Variants in DSE observed in about 807,000 individuals in gnomAD.
DSE encodes the protein dermatan sulfate epimerase, also known as dermatan-sulfate epimerase.
A neutral mutation model predicts 84.4 loss-of-function variants in DSE; 36 were observed. That is an observed-to-expected ratio of 0.43 (90% CI 0.33 to 0.56). The LOEUF (loss-of-function observed/expected upper bound fraction) is 0.56. Among genes scored for constraint, DSE ranks in the 20% least tolerant of loss-of-function variants. DSE has a pLI of 0.06. For synonymous variants in DSE, 410 were observed against 430.1 expected (o/e 0.95, Z 0.58); for missense variants, 862 against 1,169.6 (o/e 0.74, Z 3.84).
At chr6:116,375,160 T>C (rs1779843042) in intron 1 of DSE, among the ~76,000 whole-genome samples, 6 of 152,116 alleles carry the variant, frequency 3.9e-5, no homozygotes. Context: ...ATGAAATTCA[T>C]ATGGTGAATT....
At chr6:116,301,176 A>G (rs966731041) in intron 2 of DSE, among the ~76,000 whole-genome samples, 1 of 150,452 alleles carries the variant, frequency 6.6e-6, no homozygotes, top group South Asian at 2.1e-4. Context: ...AGGGAGGGAG[A>G]GAGAGAGAGA....
At chr6:116,356,768 C>T (rs534941025) in intron 2 of DSE, among the ~76,000 whole-genome samples, 1 of 152,194 alleles carries the variant, frequency 6.6e-6, no homozygotes, top group East Asian at 1.9e-4. Flanking sequence ...CTAGCTTCTC[C>T]CTCCCGTGCT....
chr6:116,411,206 T>C (rs913632334), intron 2 of DSE, among the ~76,000 whole-genome samples: 6 of 152,150 alleles, frequency 3.9e-5, no homozygotes, highest in Non-Finnish European at 7.4e-5. Flanking sequence ...TAAAAAAATA[T>C]ATCCAATATG....
At chr6:116,261,805 A>C (rs1772426139) in intron 2 of DSE, among the ~76,000 whole-genome samples, 1 of 152,184 alleles carries the variant, frequency 6.6e-6, no homozygotes, top group Non-Finnish European at 1.5e-5. Flanking sequence ...TTTAACATGA[A>C]GGAGTGTTGA....
chr6:116,283,563 T>A (rs941206484), intron 2 of DSE, among the ~76,000 whole-genome samples: 1 of 151,454 alleles, frequency 6.6e-6, no homozygotes, highest in Non-Finnish European at 1.5e-5. Context: ...GTTGTTGTTG[T>A]TATGGAGTCT....
chr6:116,425,892 A>G (rs1783421350), intron 2 of DSE, among the ~76,000 whole-genome samples: 1 of 152,314 alleles, frequency 6.6e-6, no homozygotes, highest in Middle Eastern at 3.4e-3. Context: ...AAAGTGGACA[A>G]TGTAATTCTT....
At chr6:116,267,814 G>A (rs1772700818) in intron 2 of DSE, among the ~76,000 whole-genome samples, 1 of 152,056 alleles carries the variant, frequency 6.6e-6, no homozygotes, top group Non-Finnish European at 1.5e-5. Context: ...AATCATGACA[G>A]AAGGTGAAGG....
At chr6:116,279,891 A>G (rs1773404557) in intron 2 of DSE, 3 of 1,610,012 alleles carry the variant, frequency 1.9e-6, no homozygotes. Context: ...CCGAACTGGG[A>G]GCTAACCGCC....
chr6:116,415,617 G>C (rs1178913044), intron 2 of DSE, among the ~76,000 whole-genome samples: 1 of 85,354 alleles, frequency 1.2e-5, no homozygotes, highest in Non-Finnish European at 2.4e-5. Flanking sequence ...TTTTTCCTCT[G>C]CTGTTTTCTA....
At chr6:116,359,270 T>C (rs939527148) in intron 2 of DSE, among the ~76,000 whole-genome samples, 1 of 152,140 alleles carries the variant, frequency 6.6e-6, no homozygotes, top group African/African-American at 2.4e-5. Flanking sequence ...ACAATTCTTA[T>C]GATTTCATGC....
chr6:116,367,375 T>C (rs1779225335), upstream of DSE, among the ~76,000 whole-genome samples: 1 of 152,190 alleles, frequency 6.6e-6, no homozygotes, highest in African/African-American at 2.4e-5. Flanking sequence ...ATTTCAAGAA[T>C]GGAAGCAGAT....
At chr6:116,376,507 C>T (rs1019183641) in intron 1 of DSE, among the ~76,000 whole-genome samples, 4 of 152,146 alleles carry the variant, frequency 2.6e-5, no homozygotes, top group African/African-American at 9.7e-5. Context: ...ATTATTGAGG[C>T]GATCTGTTTA....
At chr6:116,403,649 G>A (rs1409844549) in intron 2 of DSE, among the ~76,000 whole-genome samples, 1 of 152,168 alleles carries the variant, frequency 6.6e-6, no homozygotes, top group Non-Finnish European at 1.5e-5. Context: ...TGGACACTGA[G>A]GGGTTTGGTT....
chr6:116,326,743 G>C (rs926543571), intron 2 of DSE, among the ~76,000 whole-genome samples: 14 of 152,166 alleles, frequency 9.2e-5, no homozygotes, highest in African/African-American at 3.4e-4. Flanking sequence ...AGACTTAATG[G>C]AAAGAACAGC....
At chr6:116,279,851 C>G in intron 2 of DSE, 1 of 1,613,092 alleles carries the variant, frequency 6.2e-7, no homozygotes, top group Non-Finnish European at 8.5e-7. Flanking sequence ...GTCGGACCAA[C>G]CGCAGGCGAA....
Position 116,435,595 on chromosome 6 carries a change from G to A in DSE, c.1127G>A (p.Gly376Asp), listed in dbSNP as rs1176532280. 2.6e-5 allele frequency: 41 copies of A among 1,569,834 alleles called. No homozygotes were observed. Among genetic ancestry groups the A allele is most frequent in the Non-Finnish European group, 3.5e-5 (41 of 1,159,110 alleles). ...TTCAAAATTAATTTCAGGTATGATG[G>A]CAGCTTGAAATCGGTTCCTCCTCCA... is the stretch of plus-strand genomic sequence containing the variant. ...TLHTEFLWYD[G>D]SLKSVPPPDF... Residue 376 changes from glycine (G) to aspartate (D), a missense_variant, in exon 6 of 6, where the codon GGC becomes GAC. Gly to Asp is a moderately conservative substitution (Grantham distance 94). Coordinates refer to ENST00000644252, the MANE Select transcript of DSE (RefSeq NM_013352.4).
chr6:116,270,742 A>C lies in DSE; in HGVS notation c.-54+11775A>C, dbSNP rs544985541. Among the ~76,000 whole-genome samples the C allele has an allele frequency of 2.2e-4, 34 of 152,340 alleles. No homozygotes were observed. The South Asian group carries it at 5.4e-3, about 24-fold the overall frequency. ...TTAGGAATAACTTTCAACTAAGATC[A>C]AGCTATTCAAACTTAATTAGGATTT... On this transcript the variant is annotated intron_variant, in intron 2 of 3. Coordinates refer to the DSE transcript ENST00000430252.
intron 2 of DSE, among the ~76,000 whole-genome samples, chr6:116,310,708 T>C (rs1350949941): frequency 6.6e-6 from 1 of 152,212 alleles, no homozygotes; most frequent in Non-Finnish European, 1.5e-5. Context: ...CCCTAGTATA[T>C]GCCACCATCA....
exon 1 of DSE, chr6:116,254,260 TACTTACGTAA>T (rs1582895615): frequency 1.5e-6 from 1 of 684,024 alleles, no homozygotes; most frequent in East Asian, 2.8e-5. Context: ...AGGGGAGTTT[TACTTACGTAA>T]ATGGATGTAG....
Sources: gnomAD v4.1 joint callset for allele counts (sites outside exome capture counted in the v4.1 genomes callset) on GRCh38, gnomAD v4.1.1 for gene constraint, MANE v1.5 for transcripts, NCBI Gene and HGNC (gene_info 2026-07-23, HGNC 2026-07-21) for gene names.